GPD2: variants seen among roughly 807,000 people sequenced by gnomAD.
The protein encoded by GPD2 is glycerol-3-phosphate dehydrogenase, mitochondrial.
GPD2 carries 54 observed loss-of-function variants against 82.4 expected under a neutral mutation model. That is an observed-to-expected ratio of 0.66 (90% CI 0.53 to 0.82). The LOEUF (loss-of-function observed/expected upper bound fraction) is 0.82. GPD2 is among the 40% of genes least tolerant of loss of function. The pLI is 0.00. For missense variants in GPD2, 748 were observed against 896.2 expected, an observed-to-expected ratio of 0.83 and a Z score of 2.11; for synonymous variants, 288 against 306.1, an observed-to-expected ratio of 0.94 and a Z score of 0.62.
chr2:156,418,352 T>C, the GPD2 span, among the ~76,000 whole-genome samples: 15 of 151,586 alleles, frequency 9.9e-5, 1 homozygote, highest in Admixed American at 8.6e-4. Context: ...ATCGCGCTAC[T>C]ACACTCCGGC....
intron 1 of GPD2, among the ~76,000 whole-genome samples, chr2:156,452,061 C>A (rs1171743997): frequency 6.6e-6 from 1 of 151,600 alleles, no homozygotes; most frequent in Non-Finnish European, 1.5e-5. Flanking sequence ...ACGCTCCTCA[C>A]TTTCCAGACT....
At position 156,576,331 on chromosome 2, in the gene GPD2, G is replaced by A. The variant is rs769171577; in HGVS notation, c.1768-2558G>A. Reference sequence around the variant, plus strand: ...TGATAATTGTATTGTATGACAAACCGGTTGTGGTCTGGAAGAAATTATACA... The same window carrying A: ...TGATAATTGTATTGTATGACAAACCAGTTGTGGTCTGGAAGAAATTATACA... On this transcript the variant is annotated intron_variant, in intron 13 of 16. Transcript: ENST00000438166. 1.6e-4 allele frequency among the ~76,000 whole-genome samples: 25 copies of A among 152,158 alleles called. 1 individual carries two copies. Among genetic ancestry groups the A allele is most frequent in the Middle Eastern group, 3.4e-3 (1 of 294 alleles).
At chr2:156,404,854 CAAA>C in the GPD2 span, among the ~76,000 whole-genome samples, 9 of 120,116 alleles carry the variant, frequency 7.5e-5, no homozygotes, top group East Asian at 2.3e-4. Context: ...ACTCCGTCTC[CAAA>C]AAAAAAAAAA....
At chr2:156,426,068 C>CGCCCACCACCACGCCAG in the GPD2 span, among the ~76,000 whole-genome samples, 28 of 152,134 alleles carry the variant, frequency 1.8e-4, no homozygotes, top group South Asian at 4.2e-4. Context: ...GGACTACAGG[C>CGCCCACCACCACGCCAG]GCCCACCACC....
rs758047141 is a variant in GPD2 at position 156,449,158 on chromosome 2, A to AT, written c.-9+12656dup. Among the ~76,000 whole-genome samples the AT allele has an allele frequency of 8.3e-3, 1,240 of 149,106 alleles. 7 individuals carry two copies. The highest frequency in any genetic ancestry group is 0.012 in the Admixed American group (177 of 14,916). ...GGTCTTAATTTAATCACATTGGTGA[A>AT]TTTTTTTTTTTCCTTATAACATTCA... On this transcript the variant is annotated intron_variant, in intron 1 of 16. Transcript: ENST00000438166.
intron 6 of GPD2, among the ~76,000 whole-genome samples, chr2:156,518,444 A>C (rs1215838524): frequency 6.6e-6 from 1 of 152,232 alleles, no homozygotes; most frequent in African/African-American, 2.4e-5. Context: ...GTACAGCAGG[A>C]GATGCAGTTA....
At chr2:156,492,493 A>G (rs1474090192) in intron 2 of GPD2, among the ~76,000 whole-genome samples, 1 of 149,666 alleles carries the variant, frequency 6.7e-6, no homozygotes, top group African/African-American at 2.5e-5. Flanking sequence ...GTAAAAGACC[A>G]TGAAGATTCT....
intron 1 of GPD2, among the ~76,000 whole-genome samples, chr2:156,449,501 T>A (rs928132678): frequency 6.6e-6 from 1 of 152,140 alleles, no homozygotes; most frequent in Non-Finnish European, 1.5e-5. Context: ...TGGGTAGAGT[T>A]GAAGTTTGGA....
chr2:156,480,282 G>A (rs1043943259), intron 2 of GPD2, among the ~76,000 whole-genome samples: 3 of 152,236 alleles, frequency 2.0e-5, no homozygotes, highest in African/African-American at 7.2e-5. Flanking sequence ...TTAAAGTCAG[G>A]GCTCCATGAG....
intron 9 of GPD2, among the ~76,000 whole-genome samples, chr2:156,559,003 T>G (rs948168351): frequency 6.6e-6 from 1 of 151,984 alleles, no homozygotes; most frequent in Non-Finnish European, 1.5e-5. Flanking sequence ...TCATGTCTTA[T>G]TAGGGTGAAT....
At chr2:156,512,851 T>C (rs1284512260) in intron 5 of GPD2, among the ~76,000 whole-genome samples, 3 of 152,198 alleles carry the variant, frequency 2.0e-5, no homozygotes, top group Non-Finnish European at 2.9e-5. Flanking sequence ...ATTCAGGTAG[T>C]ATGAACAAGT....
At chr2:156,552,960 T>C (rs7559338) in intron 8 of GPD2, among the ~76,000 whole-genome samples, 104,422 of 146,012 alleles carry the variant, frequency 0.72, 37,422 homozygotes, top group East Asian at 0.81. Context: ...AGTGCAGTGG[T>C]GCCATCTTGG....
intron 6 of GPD2, among the ~76,000 whole-genome samples, chr2:156,535,662 G>A (rs1017344150): frequency 6.6e-5 from 10 of 151,578 alleles, no homozygotes; most frequent in South Asian, 2.1e-4. Context: ...TCTTTGATTT[G>A]GAAGTGAATT....
intron 13 of GPD2, among the ~76,000 whole-genome samples, chr2:156,573,431 A>G (rs2105369723): frequency 6.6e-6 from 1 of 152,306 alleles, no homozygotes; most frequent in Admixed American, 6.5e-5. Flanking sequence ...GAGGCAGCAC[A>G]GGAATGAAAC....
chr2:156,474,029 G>A (rs1683421641), intron 1 of GPD2, among the ~76,000 whole-genome samples: 1 of 152,114 alleles, frequency 6.6e-6, no homozygotes, highest in Non-Finnish European at 1.5e-5. Context: ...TTCCTAGTAA[G>A]AATCATTAAA....
rs186708417 is a variant in GPD2 at position 156,534,235 on chromosome 2, G to A, written c.662-15373G>A. ...GCCAAACTCTTCTTGATGTTTAAAT[G>A]CCCTTTCTCTTCTCTCCTCTGCTGT... On this transcript the variant is annotated intron_variant, in intron 6 of 16. Transcript: ENST00000438166. Among the ~76,000 whole-genome samples, 402 of 102,914 alleles carry A rather than the reference G, an allele frequency of 3.9e-3. 1 individual carries two copies. Among genetic ancestry groups the A allele is most frequent in the African/African-American group, 0.013 (377 of 29,028 alleles). 67.5% of individuals were successfully genotyped at this position (102,914 alleles called of 152,430 possible).
At chr2:156,561,844 G>A (rs926223541) in intron 9 of GPD2, among the ~76,000 whole-genome samples, 1 of 152,150 alleles carries the variant, frequency 6.6e-6, no homozygotes, top group Admixed American at 6.6e-5. Flanking sequence ...GCTATTCACA[G>A]CAGCTGCCAC....
chr2:156,444,065 A>T (rs878897641), intron 1 of GPD2, among the ~76,000 whole-genome samples: 2 of 152,182 alleles, frequency 1.3e-5, no homozygotes, highest in Admixed American at 1.3e-4. Context: ...CTCCTTGTCA[A>T]ATAAGGTGGC....
intron 6 of GPD2, among the ~76,000 whole-genome samples, chr2:156,528,098 C>G (rs1043947751): frequency 4.6e-5 from 7 of 152,100 alleles, no homozygotes; most frequent in African/African-American, 1.7e-4. Context: ...ACTGACTACT[C>G]TCATTCTAAT....
Sources: gnomAD v4.1 joint callset for allele counts (sites outside exome capture counted in the v4.1 genomes callset) on GRCh38, gnomAD v4.1.1 for gene constraint, MANE v1.5 for transcripts, NCBI Gene and HGNC (gene_info 2026-07-23, HGNC 2026-07-21) for gene names.